DRC11: variants seen among roughly 807,000 people sequenced by gnomAD.
DRC11 encodes dynein regulatory complex subunit 11.
At chr2:236,438,338 T>A in the DRC11 span, among the ~76,000 whole-genome samples, 1 of 143,250 alleles carries the variant, frequency 7.0e-6, no homozygotes, top group Admixed American at 6.9e-5. Flanking sequence ...CTGTTTTGGT[T>A]ACTGTAGCCT....
At chr2:236,389,640 G>A in the DRC11 span, among the ~76,000 whole-genome samples, 1 of 152,306 alleles carries the variant, frequency 6.6e-6, no homozygotes, top group South Asian at 2.1e-4. Flanking sequence ...GCTCACACTG[G>A]GAGCTGTAGG....
At chr2:236,343,931 A>C in the DRC11 span, among the ~76,000 whole-genome samples, 1 of 152,242 alleles carries the variant, frequency 6.6e-6, no homozygotes, top group Non-Finnish European at 1.5e-5. The surrounding 1 kb of genome is among the most constrained non-coding windows in gnomAD (Gnocchi z 6.6). Context: ...AAAGTGATTA[A>C]AATCCTTATG....
chr2:236,479,974 T>C, the DRC11 span, among the ~76,000 whole-genome samples: 24 of 152,162 alleles, frequency 1.6e-4, no homozygotes, highest in African/African-American at 5.8e-4. This position sits in a 1 kb window ranked among gnomAD's most constrained non-coding sequence, Gnocchi z 4.1. Flanking sequence ...TATCTCTTCT[T>C]CATGTTTGAA....
chr2:236,493,543 G>A, the DRC11 span, among the ~76,000 whole-genome samples: 1 of 152,166 alleles, frequency 6.6e-6, no homozygotes, highest in Non-Finnish European at 1.5e-5. Context: ...ATATCTCAGT[G>A]TCTAAGCTCT....
chr2:236,331,839 T>C, the DRC11 span: 4 of 492,646 alleles, frequency 8.1e-6, no homozygotes, highest in African/African-American at 1.9e-5. This position sits in a 1 kb window ranked among gnomAD's most constrained non-coding sequence, Gnocchi z 4.8. Context: ...GCCCTGCAAA[T>C]TAACAAGGAG....
the DRC11 span, among the ~76,000 whole-genome samples, chr2:236,360,246 G>C: frequency 6.6e-6 from 1 of 152,170 alleles, no homozygotes; most frequent in Admixed American, 6.5e-5. This position sits in a 1 kb window ranked among gnomAD's most constrained non-coding sequence, Gnocchi z 5.8. Context: ...GCCAGACTGT[G>C]TGAGATCCTA....
the DRC11 span, among the ~76,000 whole-genome samples, chr2:236,383,984 G>A: frequency 2.6e-4 from 40 of 152,186 alleles, no homozygotes; most frequent in African/African-American, 9.4e-4. Context: ...TCCCTACAAA[G>A]GACATGAACT....
At chr2:236,491,213 CACACAGTATATATATATATATATATAT>C in the DRC11 span, among the ~76,000 whole-genome samples, 43 of 32,784 alleles carry the variant, frequency 1.3e-3, no homozygotes, top group South Asian at 2.0e-3. Flanking sequence ...TATATATATA[CACACAGTATATATATATATATATATAT>C]ACACAGTATA....
At chr2:236,394,985 T>A in the DRC11 span, among the ~76,000 whole-genome samples, 2 of 152,188 alleles carry the variant, frequency 1.3e-5, no homozygotes, top group Non-Finnish European at 2.9e-5. The surrounding 1 kb of genome is among the most constrained non-coding windows in gnomAD (Gnocchi z 7.0). Flanking sequence ...GCAAATTTCT[T>A]TCAGAATGGC....
chr2:236,330,581 G>C, the DRC11 span, among the ~76,000 whole-genome samples: 1 of 152,192 alleles, frequency 6.6e-6, no homozygotes, highest in Admixed American at 6.5e-5. This position sits in a 1 kb window ranked among gnomAD's most constrained non-coding sequence, Gnocchi z 5.5. Flanking sequence ...AAATTTTCCT[G>C]ATGTTAAGCA....
the DRC11 span, among the ~76,000 whole-genome samples, chr2:236,311,855 G>T: frequency 1.3e-5 from 2 of 152,072 alleles, no homozygotes; most frequent in African/African-American, 4.8e-5. This position sits in a 1 kb window ranked among gnomAD's most constrained non-coding sequence, Gnocchi z 6.9. Flanking sequence ...AGCAGTGGCT[G>T]CTAGTTGGGG....
At chr2:236,399,736 C>T in the DRC11 span, among the ~76,000 whole-genome samples, 2 of 152,168 alleles carry the variant, frequency 1.3e-5, no homozygotes, top group African/African-American at 2.4e-5. This position sits in a 1 kb window ranked among gnomAD's most constrained non-coding sequence, Gnocchi z 7.0. Context: ...CTGGGGTACC[C>T]CATGCCCCGA....
the DRC11 span, among the ~76,000 whole-genome samples, chr2:236,481,961 T>C: frequency 6.7e-6 from 1 of 148,872 alleles, no homozygotes; most frequent in Non-Finnish European, 1.5e-5. Flanking sequence ...ACATATTATA[T>C]GTATAATTCT....
the DRC11 span, among the ~76,000 whole-genome samples, chr2:236,457,542 C>T: frequency 6.6e-6 from 1 of 152,212 alleles, no homozygotes; most frequent in African/African-American, 2.4e-5. This position sits in a 1 kb window ranked among gnomAD's most constrained non-coding sequence, Gnocchi z 4.7. Context: ...ATACTGAGTG[C>T]TAATCCCCAG....
the DRC11 span, among the ~76,000 whole-genome samples, chr2:236,462,833 T>C: frequency 1.3e-5 from 2 of 152,170 alleles, no homozygotes; most frequent in Non-Finnish European, 2.9e-5. The surrounding 1 kb of genome is among the most constrained non-coding windows in gnomAD (Gnocchi z 6.4). Flanking sequence ...ACATTTAAAT[T>C]GACTTCAAAT....
chr2:236,321,800 C>G, the DRC11 span, among the ~76,000 whole-genome samples: 2 of 152,034 alleles, frequency 1.3e-5, no homozygotes, highest in Non-Finnish European at 2.9e-5. Context: ...TGCAAGCAGC[C>G]AGAAAGAGCA....
At chr2:236,471,474 C>T in the DRC11 span, among the ~76,000 whole-genome samples, 56 of 152,182 alleles carry the variant, frequency 3.7e-4, no homozygotes, top group Non-Finnish European at 6.9e-4. This position sits in a 1 kb window ranked among gnomAD's most constrained non-coding sequence, Gnocchi z 4.6. Flanking sequence ...TTGATATTTG[C>T]TAACTTAAAT....
the DRC11 span, among the ~76,000 whole-genome samples, chr2:236,482,523 C>T: frequency 1.3e-5 from 2 of 152,172 alleles, no homozygotes; most frequent in Admixed American, 1.3e-4. The surrounding 1 kb of genome is among the most constrained non-coding windows in gnomAD (Gnocchi z 4.5). Flanking sequence ...AGCATCTCAT[C>T]ACTACCTTGT....
the DRC11 span, among the ~76,000 whole-genome samples, chr2:236,311,452 T>C: frequency 9.2e-5 from 14 of 152,216 alleles, no homozygotes; most frequent in African/African-American, 3.4e-4. This position sits in a 1 kb window ranked among gnomAD's most constrained non-coding sequence, Gnocchi z 6.9. Flanking sequence ...GAGTGAGCCT[T>C]GTCCTTCACC....
Sources: gnomAD v4.1 joint callset for allele counts (sites outside exome capture counted in the v4.1 genomes callset) on GRCh38, gnomAD v4.1.1 for gene constraint, Gnocchi (gnomAD v3.1) non-coding constraint, MANE v1.5 for transcripts, NCBI Gene and HGNC (gene_info 2026-07-23, HGNC 2026-07-21) for gene names.